Variants in PKD2L1 observed in about 807,000 individuals in gnomAD.
PKD2L1 encodes the protein polycystin 2 like 1, transient receptor potential cation channel.
In PKD2L1, 77 loss-of-function variants were observed where a neutral mutation model predicts 93.0. That is an observed-to-expected ratio of 0.83 (90% CI 0.69 to 1.00). The LOEUF (loss-of-function observed/expected upper bound fraction) is 1.00, where lower values mean the gene tolerates loss of function less well. Ranked by LOEUF, PKD2L1 falls within the 50% of genes least tolerant of loss-of-function variation. The pLI, the probability that PKD2L1 is intolerant of heterozygous loss-of-function variation, is 0.00. For missense variants in PKD2L1, 977 were observed against 990.9 expected (o/e 0.99, Z 0.19); for synonymous variants, 390 against 388.0 (o/e 1.01, Z -0.06).
chr10:100,293,443 G>T, intron 9 of PKD2L1, 64 bp from the exon 10 acceptor site: 2 of 1,045,220 alleles, frequency 1.9e-6, no homozygotes, highest in South Asian at 1.3e-5. Flanking sequence ...TGAGCCCACT[G>T]ACCCCATTAA....
intron 2 of PKD2L1, among the ~76,000 whole-genome samples, chr10:100,317,341 A>T (rs1466383705): frequency 1.3e-5 from 2 of 151,782 alleles, no homozygotes; most frequent in Non-Finnish European, 2.9e-5. Context: ...GGAGTTCAAG[A>T]CCAGCCTGGG....
intron 14 of PKD2L1, 148 bp downstream of exon 14, chr10:100,289,867 T>G: frequency 2.1e-6 from 2 of 958,858 alleles, no homozygotes; most frequent in Admixed American, 2.2e-5. Flanking sequence ...GACCCATCTC[T>G]GCTGATACAC....
rs1411601897 is a variant in PKD2L1, at chr10:100,301,771, TA to T, written c.350-2054del. Among the ~76,000 whole-genome samples the T allele has an allele frequency of 3.3e-5, 5 of 152,164 alleles. No individual in the cohort carries two copies. In the East Asian group the frequency reaches 9.6e-4, roughly 29 times the overall value. ...CCTCAGTTTACAAAGATGACGGGAT[TA>T]AGAGATTAAAGTAAAGACAGGCATA... On this transcript the variant is annotated intron_variant, in intron 2 of 15. Coordinates refer to ENST00000318222, the MANE Select transcript of PKD2L1 (RefSeq NM_016112.3).
At chr10:100,321,047 A>G (rs979585651) in intron 2 of PKD2L1, among the ~76,000 whole-genome samples, 4 of 152,232 alleles carry the variant, frequency 2.6e-5, no homozygotes, top group Non-Finnish European at 5.9e-5. Context: ...TGTAGTCCTT[A>G]AAATAAAAAT....
chr10:100,310,424 T>A (rs1848907679), intron 2 of PKD2L1, among the ~76,000 whole-genome samples: 1 of 152,138 alleles, frequency 6.6e-6, no homozygotes, highest in Non-Finnish European at 1.5e-5. Flanking sequence ...TACATTCTTA[T>A]CCAATATTAA....
chr10:100,298,837 A>G (rs775070180), intron 3 of PKD2L1, 22 bp from the exon 4 acceptor site: 2 of 1,599,136 alleles, frequency 1.3e-6, no homozygotes, highest in South Asian at 2.2e-5. Context: ...GCTGGCTTGA[A>G]CCTTACCCAG....
intron 9 of PKD2L1, among the ~76,000 whole-genome samples, chr10:100,294,071 C>A (rs1848466104): frequency 6.6e-6 from 1 of 152,048 alleles, no homozygotes. Flanking sequence ...TGAGATTGCA[C>A]CACTGCACTC....
rs756192036 is a variant in PKD2L1, at chr10:100,298,710, G to A, written c.583C>T (p.Leu195=). 1.2e-6 allele frequency: 2 copies of A among 1,614,068 alleles called. No individual in the cohort carries two copies. The highest frequency in any genetic ancestry group is 3.3e-5 in the Admixed American group (2 of 60,008). ...HSFIYYENML[L]GVPRLRQLKV... ...AGCTGCCGCAGCCTCGGAACCCCCA[G>A]CAGCATGTTCTCATAGTAGATGAAG... The change falls in exon 4 of 16, where the codon CTG becomes TTG. Residue 195 remains leucine (L), a synonymous_variant. Transcript: ENST00000318222.
chr10:100,327,364 T>C (rs866984043), intron 2 of PKD2L1, among the ~76,000 whole-genome samples: 1 of 152,206 alleles, frequency 6.6e-6, no homozygotes, highest in Non-Finnish European at 1.5e-5. Flanking sequence ...ACGAAGCCTG[T>C]GACTCAGATT....
intron 2 of PKD2L1, among the ~76,000 whole-genome samples, chr10:100,307,172 T>C (rs931868639): frequency 2.6e-5 from 4 of 152,226 alleles, no homozygotes; most frequent in African/African-American, 7.2e-5. Context: ...CTGTGTTAAG[T>C]GCTTGACATG....
At chr10:100,328,658 G>T (rs1048748551) in intron 2 of PKD2L1, among the ~76,000 whole-genome samples, 2 of 150,568 alleles carry the variant, frequency 1.3e-5, no homozygotes, top group Non-Finnish European at 2.9e-5. Context: ...GTAGTGGCAC[G>T]ATCTTGGCTC....
At chr10:100,296,340 A>C in intron 6 of PKD2L1, 48 bp from the exon 7 acceptor site, 4,414 of 1,436,992 alleles carry the variant, frequency 3.1e-3, no homozygotes, top group Non-Finnish European at 3.8e-3. Context: ...AGGGGATCTC[A>C]AGGGAAGTTC....
rs781464061 is a variant in PKD2L1, at chr10:100,297,197, T to G, written c.968A>C (p.Glu323Ala). 1 of 1,613,694 alleles carries G rather than the reference T, an allele frequency of 6.2e-7. No homozygotes were observed. The highest frequency in any genetic ancestry group is 1.1e-5 in the South Asian group (1 of 91,078). Reference protein sequence around the residue: ...NLFCVLRLVVEFPATGGAIPS... With the variant: ...NLFCVLRLVVAFPATGGAIPS... ...GATGGCACCTCCTGTAGCTGGAAAC[T>G]CCACCACCAGCCTATAGGGGGAGGG... Residue 323 changes from glutamate (E) to alanine (A), a missense_variant, in exon 6 of 16, where the codon GAG (glutamate) becomes GCG (alanine). Transcript: ENST00000318222.
intron 14 of PKD2L1, among the ~76,000 whole-genome samples, 160 bp downstream of exon 14, chr10:100,289,854 CA>C (rs1308258498): frequency 3.9e-5 from 6 of 152,212 alleles, no homozygotes. Flanking sequence ...GCCTTATCTC[CA>C]TGACCCATCT....
chr10:100,301,512 T>C (rs1034690927), intron 2 of PKD2L1, among the ~76,000 whole-genome samples: 26 of 150,898 alleles, frequency 1.7e-4, no homozygotes, highest in African/African-American at 5.8e-4. Flanking sequence ...TATTCCTTAC[T>C]GGGGAAAGAA....
chr10:100,294,447 A>C, intron 9 of PKD2L1, 88 bp downstream of exon 9: 1 of 1,421,726 alleles, frequency 7.0e-7, no homozygotes. Context: ...GATTTGAGAA[A>C]CTTATCAATC....
intron 2 of PKD2L1, among the ~76,000 whole-genome samples, chr10:100,308,386 G>A (rs1251844997): frequency 6.6e-6 from 1 of 151,470 alleles, no homozygotes; most frequent in Non-Finnish European, 1.5e-5. Flanking sequence ...CCTGGCTGGA[G>A]TGCAATGACA....
chr10:100,310,876 A>T (rs1019886064), intron 2 of PKD2L1, among the ~76,000 whole-genome samples: 22 of 151,912 alleles, frequency 1.4e-4, no homozygotes, highest in Admixed American at 2.0e-4. Context: ...CTCCCAACTA[A>T]TTTTTTATAT....
chr10:100,303,121 T>C (rs117028896), intron 2 of PKD2L1, among the ~76,000 whole-genome samples: 5,682 of 152,070 alleles, frequency 0.037, 172 homozygotes, highest in Non-Finnish European at 0.061. Flanking sequence ...GAGTGAAATA[T>C]ATGCAGTGTA....
Sources: gnomAD v4.1 joint callset for allele counts (sites outside exome capture counted in the v4.1 genomes callset) on GRCh38, gnomAD v4.1.1 for gene constraint, MANE v1.5 for transcripts, NCBI Gene and HGNC (gene_info 2026-07-23, HGNC 2026-07-21) for gene names.